Variants in MBOAT2 observed in about 807,000 individuals in gnomAD.
The protein encoded by MBOAT2 is membrane bound glycerophospholipid O-acyltransferase 2, also known as membrane-bound glycerophospholipid O-acyltransferase 2.
A neutral mutation model predicts 63.4 loss-of-function variants in MBOAT2; 28 were observed. The observed-to-expected ratio is 0.44, with a 90% CI of 0.33 to 0.61. MBOAT2 has a LOEUF of 0.61. Among genes scored for constraint, MBOAT2 ranks in the 20% least tolerant of loss-of-function variants. The probability of loss-of-function intolerance (pLI) is 0.03; values close to 1 mark genes in which losing one functional copy is unlikely to be tolerated. For synonymous variants in MBOAT2, 211 were observed against 215.6 expected, an observed-to-expected ratio of 0.98 and a Z score of 0.19; for missense variants, 470 against 605.8, an observed-to-expected ratio of 0.78 and a Z score of 2.35.
chr2:8,944,455 G>A (rs1038236896), intron 2 of MBOAT2, among the ~76,000 whole-genome samples: 6 of 152,048 alleles, frequency 3.9e-5, no homozygotes, highest in Admixed American at 3.9e-4. Context: ...ACTACTAAGG[G>A]TGTTAACCTA....
intron 1 of MBOAT2, among the ~76,000 whole-genome samples, chr2:8,974,071 G>A (rs576653537): frequency 6.6e-6 from 1 of 152,264 alleles, no homozygotes; most frequent in South Asian, 2.1e-4. Context: ...CAAGTACCAA[G>A]TACTAAGATG....
chr2:8,940,386 G>C (rs370448595), intron 3 of MBOAT2, among the ~76,000 whole-genome samples: 8 of 152,088 alleles, frequency 5.3e-5, no homozygotes, highest in Admixed American at 1.3e-4. Flanking sequence ...CCGCCTCCCC[G>C]GTTCAAGCAA....
At chr2:8,871,653 C>T (rs1220792141) in intron 8 of MBOAT2, among the ~76,000 whole-genome samples, 3 of 152,226 alleles carry the variant, frequency 2.0e-5, no homozygotes, top group East Asian at 1.9e-4. Flanking sequence ...CATAAGGTAA[C>T]ATATTTTAAT....
chr2:8,956,434 C>T (rs1288641205), intron 2 of MBOAT2, among the ~76,000 whole-genome samples: 2 of 152,190 alleles, frequency 1.3e-5, no homozygotes, highest in South Asian at 2.1e-4. Context: ...GGCACAGTGG[C>T]TCATACCTGT....
chr2:8,863,428 G>A (rs180690799), intron 10 of MBOAT2, among the ~76,000 whole-genome samples: 21 of 152,320 alleles, frequency 1.4e-4, no homozygotes, highest in Non-Finnish European at 2.6e-4. Context: ...TGCTCACAGG[G>A]ACGATAAGAG....
At chr2:8,971,807 C>A (rs1670475994) in intron 1 of MBOAT2, among the ~76,000 whole-genome samples, 1 of 152,236 alleles carries the variant, frequency 6.6e-6, no homozygotes, top group Non-Finnish European at 1.5e-5. Flanking sequence ...ATCCAACTTA[C>A]AAGGGATGTG....
intron 1 of MBOAT2, among the ~76,000 whole-genome samples, chr2:8,989,129 A>G (rs1487583239): frequency 3.9e-5 from 6 of 152,228 alleles, no homozygotes; most frequent in African/African-American, 1.4e-4. Flanking sequence ...CTTTAACTCA[A>G]TGTTGATTTT....
intron 3 of MBOAT2, among the ~76,000 whole-genome samples, chr2:8,919,223 G>A (rs1339432474): frequency 2.0e-5 from 3 of 152,134 alleles, no homozygotes; most frequent in South Asian, 4.1e-4. Flanking sequence ...GTGGACATAC[G>A]TTTTCACCCT....
chr2:8,961,590 GA>G (rs74416009), intron 1 of MBOAT2, among the ~76,000 whole-genome samples: 7,537 of 142,234 alleles, frequency 0.053, 184 homozygotes, highest in Middle Eastern at 0.063. Context: ...CATCAGTAGG[GA>G]AAAAAAAAAA....
intron 1 of MBOAT2, among the ~76,000 whole-genome samples, chr2:8,966,262 T>C (rs772766624): frequency 5.3e-5 from 8 of 152,226 alleles, no homozygotes; most frequent in Non-Finnish European, 1.0e-4. Context: ...ACTGGCCCCA[T>C]GTGGCTATGA....
Position 8,950,192 on chromosome 2 carries a change from C to G in MBOAT2, c.222-6928G>C, listed in dbSNP as rs560174398. Among the ~76,000 whole-genome samples, 14 of 152,258 alleles carry G rather than the reference C, an allele frequency of 9.2e-5. No homozygotes were observed. The South Asian group carries it at 2.9e-3, about 32-fold the overall frequency. The stretch of plus-strand genomic sequence containing the variant: ...TTGTAGCCTGAAATCTTGCTACAAT[C>G]ATTTATCAGTTCTAACAGCCTTCTG... On this transcript the variant is annotated intron_variant, in intron 2 of 12. Coordinates refer to ENST00000305997, the MANE Select transcript of MBOAT2 (RefSeq NM_138799.4).
chr2:8,916,726 C>T (rs991880159), intron 3 of MBOAT2, among the ~76,000 whole-genome samples: 4 of 152,226 alleles, frequency 2.6e-5, no homozygotes, highest in African/African-American at 9.6e-5. Context: ...GCTTAGACGG[C>T]TTTGGTTGTA....
chr2:8,887,501 C>T (rs763966234), intron 5 of MBOAT2, among the ~76,000 whole-genome samples: 47 of 152,284 alleles, frequency 3.1e-4, no homozygotes, highest in Non-Finnish European at 5.7e-4. Context: ...AAGGATGCTT[C>T]GTTTCTTCAG....
rs1028363893 is a variant in MBOAT2 at position 8,854,645 on chromosome 2, A to C, written c.*4034T>G. On this transcript the variant is annotated 3_prime_UTR_variant, in exon 13 of 13. Coordinates refer to ENST00000305997, the MANE Select transcript of MBOAT2 (RefSeq NM_138799.4). Reference sequence around the variant, plus strand: ...AACTAATAATTGTGAACAGTTGATAAGGAAACAAAAAAAGTATAAATGTCC... The same window carrying C: ...AACTAATAATTGTGAACAGTTGATACGGAAACAAAAAAAGTATAAATGTCC... The C allele has an allele frequency of 4.6e-5, 7 of 152,256 alleles. No individual in the cohort carries two copies. The highest frequency in any genetic ancestry group is 4.4e-5 in the Non-Finnish European group (3 of 68,040). The allele number at this position is 152,256 out of a possible 1,614,324, so 9.4% of individuals were successfully genotyped here. A position where few individuals can be genotyped will look rare whatever the true frequency, so the allele number is the denominator to read the frequency against.
chr2:8,989,214 T>C (rs1671762386), intron 1 of MBOAT2, among the ~76,000 whole-genome samples: 2 of 152,146 alleles, frequency 1.3e-5, no homozygotes, highest in South Asian at 4.1e-4. Flanking sequence ...GGTAACACAT[T>C]TCCAGCACAC....
chr2:8,890,589 G>A (rs1227301139), intron 4 of MBOAT2, among the ~76,000 whole-genome samples: 2 of 152,048 alleles, frequency 1.3e-5, no homozygotes, highest in East Asian at 1.9e-4. Flanking sequence ...GTGCAATCTC[G>A]GGTGACTGAA....
intron 4 of MBOAT2, among the ~76,000 whole-genome samples, chr2:8,907,500 G>A (rs775934281): frequency 2.9e-4 from 44 of 152,268 alleles, no homozygotes; most frequent in African/African-American, 3.6e-4. Context: ...TCAAGATCAC[G>A]AAGGTTTTCA....
intron 7 of MBOAT2, among the ~76,000 whole-genome samples, chr2:8,875,180 T>C (rs1158446199): frequency 6.6e-6 from 1 of 152,230 alleles, no homozygotes; most frequent in East Asian, 1.9e-4. Flanking sequence ...TCTATGCACT[T>C]CACTGATGCA....
chr2:8,927,006 C>T (rs756955612), intron 3 of MBOAT2, among the ~76,000 whole-genome samples: 11 of 152,162 alleles, frequency 7.2e-5, no homozygotes, highest in Non-Finnish European at 1.6e-4. Context: ...TTAGTGATGG[C>T]TAGATGTGGA....
Sources: allele counts gnomAD v4.1 joint callset (sites outside exome capture counted in the v4.1 genomes callset), GRCh38; gene constraint gnomAD v4.1.1; transcripts MANE v1.5; gene names NCBI Gene and HGNC (gene_info 2026-07-23, HGNC 2026-07-21).